The following PIF1 variants were observed in gnomAD, a reference collection of about 807,000 sequenced individuals.
PIF1 encodes ATP-dependent DNA helicase PIF1.
In PIF1, 67 loss-of-function variants were observed where a neutral mutation model predicts 62.3. That is an observed-to-expected ratio of 1.08 (90% CI 0.88 to 1.32). The LOEUF (loss-of-function observed/expected upper bound fraction) is 1.32. Among genes scored for constraint, PIF1 ranks in the 40% most tolerant of loss-of-function variants. The pLI, the probability that PIF1 is intolerant of heterozygous loss-of-function variation, is 0.00. For missense variants in PIF1, 886 were observed against 866.1 expected (o/e 1.02, Z -0.29); for synonymous variants, 364 against 379.5 (o/e 0.96, Z 0.47).
At chr15:64,819,265 C>T in intron 8 of PIF1, 42 bp from the exon 9 acceptor site, 12 of 1,301,006 alleles carry the variant, frequency 9.2e-6, no homozygotes, top group Non-Finnish European at 1.3e-5. Context: ...AAATCACTGA[C>T]TTGTGACTCA....
chr15:64,826,665 T>TATATACAC (rs796684934), upstream of PIF1, among the ~76,000 whole-genome samples: 622 of 42,494 alleles, frequency 0.015, 12 homozygotes, highest in Middle Eastern at 0.03. Flanking sequence ...TATATATATA[T>TATATACAC]ACACACACAC....
rs1301722308 is a variant in PIF1 at position 64,822,296 on chromosome 15, T to A, written c.787A>T (p.Ile263Phe). 3.7e-6 allele frequency: 6 copies of A among 1,613,374 alleles called. No individual in the cohort carries two copies. Among genetic ancestry groups the A allele is most frequent in the Non-Finnish European group, 5.1e-6 (6 of 1,179,858 alleles). The change falls in exon 4 of 13, where the codon ATC becomes TTC. Residue 263 changes from isoleucine (I) to phenylalanine (F), a missense_variant. By Grantham distance (21) the Ile-to-Phe change is conservative. Transcript: ENST00000559239. ...TASTGVAACH[I>F]GGTTLHAFAG... ...AAGGCATGGAGGGTGGTGCCCCCGA[T>A]GTGGCAGGCTGCCACCCCAGTGCTG...
Position 64,816,007 on chromosome 15 carries a change from T to C in PIF1, c.*291A>G. 1 of 1,494,810 alleles carries C rather than the reference T, an allele frequency of 6.7e-7. No individual in the cohort carries two copies. The highest frequency in any genetic ancestry group is 1.4e-5 in the African/African-American group (1 of 71,420). The allele number at this position is 1,494,810 out of a possible 1,614,324, so 92.6% of individuals were successfully genotyped here. On this transcript the variant is annotated 3_prime_UTR_variant, in exon 13 of 13. Transcript: ENST00000559239. ...TGTGTCCAGCCCTTGCAGAGAGCTT[T>C]GTCCTCTGACATCAGCTACCACACA...
Position 64,815,709 on chromosome 15 carries a change from A to G in PIF1, c.*589T>C. ...ATCCATTTCAATGTCCCCAAACACT[A>G]TTTATCCCCTGAAAAAGCAGCTTAA... On this transcript the variant is annotated 3_prime_UTR_variant, in exon 13 of 13. Transcript: ENST00000559239. The G allele has an allele frequency of 6.4e-7, 1 of 1,550,446 alleles. No individual in the cohort carries two copies. Among genetic ancestry groups the G allele is most frequent in the Non-Finnish European group, 8.7e-7 (1 of 1,146,926 alleles).
chr15:64,822,219 A>T (rs767036409), intron 4 of PIF1, 47 bp downstream of exon 4: 1 of 1,580,616 alleles, frequency 6.3e-7, no homozygotes. Flanking sequence ...CTCCCTTCCC[A>T]GAAGCTGGGC....
intron 1 of PIF1, 42 bp from the exon 2 acceptor site, chr15:64,824,396 G>A (rs55675018): frequency 0.36 from 442,200 of 1,212,966 alleles, 84,597 homozygotes; most frequent in Non-Finnish European, 0.4. Flanking sequence ...GGATTCATGA[G>A]ACGTAATGGG....
intron 9 of PIF1, 33 bp from the exon 10 acceptor site, chr15:64,818,377 C>A (rs1200010831): frequency 1.2e-6 from 2 of 1,604,508 alleles, no homozygotes; most frequent in Non-Finnish European, 1.7e-6. Context: ...GACAGCAGCC[C>A]CCCTACCCAT....
chr15:64,826,651 T>TATATATAC (rs2084372040), upstream of PIF1, among the ~76,000 whole-genome samples: 1 of 32,588 alleles, frequency 3.1e-5, no homozygotes, highest in Non-Finnish European at 7.0e-5. Flanking sequence ...TATATATATA[T>TATATATAC]ATATATATAT....
chr15:64,821,986 T>C (rs2141113307), intron 4 of PIF1: 1 of 406,014 alleles, frequency 2.5e-6, no homozygotes, highest in South Asian at 2.8e-5. Flanking sequence ...GTGATCCGCC[T>C]GCCTCGGCCT....
At chr15:64,826,669 C>CAT (rs111251424), upstream of PIF1, among the ~76,000 whole-genome samples, 2 of 75,826 alleles carry the variant, frequency 2.6e-5, no homozygotes, top group African/African-American at 7.0e-5. Context: ...TATATATACA[C>CAT]ACACACACAC....
chr15:64,824,598 C>T (rs971919819), intron 1 of PIF1, among the ~76,000 whole-genome samples: 16 of 152,016 alleles, frequency 1.1e-4, no homozygotes, highest in African/African-American at 3.9e-4. Flanking sequence ...TTAATCCCAG[C>T]ACTTTGGGAG....
At chr15:64,819,693 C>T (rs1384651492) in intron 8 of PIF1, among the ~76,000 whole-genome samples, 154 bp downstream of exon 8, 1 of 152,238 alleles carries the variant, frequency 6.6e-6, no homozygotes, top group Non-Finnish European at 1.5e-5. Context: ...TAGTTCATCA[C>T]ACCTCTCAAA....
In PIF1 at chr15:64,815,866, A is replaced by C; in HGVS notation, c.*432T>G. 1.3e-6 allele frequency: 2 copies of C among 1,550,582 alleles called. No homozygotes were observed. The highest frequency in any genetic ancestry group is 1.7e-6 in the Non-Finnish European group (2 of 1,146,990). ...CGTTCTCTGTTTGGAGGCTGCACCC[A>C]GCCTGAGTCCCCACCAGTCCCCTCC... On this transcript the variant is annotated 3_prime_UTR_variant, in exon 13 of 13. Coordinates refer to ENST00000559239, the MANE Select transcript of PIF1 (RefSeq NM_001286496.2).
rs1053078798 is a variant in PIF1, at chr15:64,824,126, A to G, written c.210T>C (p.Pro70=). The G allele has an allele frequency of 2.3e-6, 3 of 1,280,886 alleles. No homozygotes were observed. The highest frequency in any genetic ancestry group is 8.4e-5 in the Admixed American group (2 of 23,836). The allele number at this position is 1,280,886 out of a possible 1,614,324, so 79.3% of individuals were successfully genotyped here. The change falls in exon 2 of 13, where the codon CCT becomes CCC. Residue 70 remains proline, a synonymous_variant. Coordinates refer to ENST00000559239, the MANE Select transcript of PIF1 (RefSeq NM_001286496.2). Reference sequence around the variant, plus strand: ...GCGTGAAGAGGCGCGCGGCGCGCAGAGGAAAGCAGCGCGGCCGCCCCGCGG... The same window carrying G: ...GCGTGAAGAGGCGCGCGGCGCGCAGGGGAAAGCAGCGCGGCCGCCCCGCGG... The part of the protein sequence containing the change: ...PGPAGRPRCF[P]LRAARLFTRF...
At position 64,818,273 on chromosome 15, in the gene PIF1, G is replaced by A. The variant is rs144483518; in HGVS notation, c.1512C>T (p.Phe504=). ...VNGARGVVVG[F]EAEGRGLPQV... ...AACACTTACCTCTCCCTTCTGCCTC[G>A]AACCCAACTACCACCCCTCGGGCAC... Residue 504 remains phenylalanine (F), a synonymous_variant, in exon 10 of 13, where the codon TTC becomes TTT. Transcript: ENST00000559239. 1.1e-4 allele frequency: 177 copies of A among 1,613,962 alleles called. 1 individual carries two copies. Among genetic ancestry groups the A allele is most frequent in the East Asian group, 9.8e-4 (44 of 44,872 alleles).
chr15:64,824,247 C>T lies in PIF1; in HGVS notation c.89G>A (p.Gly30Glu). ...CAGGGCCTGGCGCCTTCGCGGCTGCCCGCCCGGGCTCAGCTCCTCCACAGC... is the reference window on the plus strand; with the variant it reads ...CAGGGCCTGGCGCCTTCGCGGCTGCTCGCCCGGGCTCAGCTCCTCCACAGC... ...RVAVEELSPGGQPRRRQALRT... is the reference protein window; with the variant it reads ...RVAVEELSPGEQPRRRQALRT... The change falls in exon 2 of 13, where the codon GGG becomes GAG. Residue 30 changes from glycine (G) to glutamate (E), a missense_variant. Physicochemically the swap from Gly to Glu is moderately conservative, Grantham distance 98 (BLOSUM62 -2). Transcript: ENST00000559239. 7.6e-7 allele frequency: 1 copy of T among 1,312,450 alleles called. No individual in the cohort carries two copies. The highest frequency in any genetic ancestry group is 3.1e-5 in the East Asian group (1 of 32,052). 81.3% of individuals were successfully genotyped at this position (1,312,450 alleles called of 1,614,324 possible). A position where few individuals can be genotyped will look rare whatever the true frequency, so the allele number is the denominator to read the frequency against.
At position 64,822,585 on chromosome 15, in the gene PIF1, A is replaced by G; in HGVS notation, c.584T>C (p.Val195Ala). Reference sequence around the variant, plus strand: ...GGTGGAGGGCAAGCTCAGCCTCTTCACAGGCAGGGGCCACCTTGGGGCTTC... The same window carrying G: ...GGTGGAGGGCAAGCTCAGCCTCTTCGCAGGCAGGGGCCACCTTGGGGCTTC... The part of the protein sequence containing the change: ...STEAPRWPLP[V>A]KRLSLPSTKP... The change falls in exon 3 of 13, where the codon GTG becomes GCG. Residue 195 changes from valine (V) to alanine (A), a missense_variant. Physicochemically the swap from Val to Ala is moderately conservative, Grantham distance 64. Transcript: ENST00000559239. 5 of 1,614,084 alleles carry G rather than the reference A, an allele frequency of 3.1e-6. No individual in the cohort carries two copies.
chr15:64,821,121 G>T, intron 6 of PIF1, 33 bp from the exon 7 acceptor site: 1 of 1,612,684 alleles, frequency 6.2e-7, no homozygotes. Flanking sequence ...GGGTCAAGGA[G>T]CAGAGCAGAC....
chr15:64,818,553 A>C, intron 9 of PIF1: 1 of 567,160 alleles, frequency 1.8e-6, no homozygotes, highest in Non-Finnish European at 3.1e-6. Context: ...AAAGAGGAAT[A>C]ATATTTGCTC....
Sources: allele counts gnomAD v4.1 joint callset (sites outside exome capture counted in the v4.1 genomes callset), GRCh38; gene constraint gnomAD v4.1.1; transcripts MANE v1.5; gene names NCBI Gene and HGNC (gene_info 2026-07-23, HGNC 2026-07-21).